The following HLCS variants were observed in gnomAD, a reference collection of about 807,000 sequenced individuals.
The protein encoded by HLCS is holocarboxylase synthetase.
A neutral mutation model predicts 75.0 loss-of-function variants in HLCS; 53 were observed. The ratio of observed to expected loss-of-function variants is 0.71; its 90% CI spans 0.57 to 0.89. The LOEUF is 0.89. Among genes scored for constraint, HLCS ranks in the 40% least tolerant of loss-of-function variants. HLCS has a pLI of 0.00. For synonymous variants in HLCS, 431 were observed against 428.6 expected (o/e 1.01, Z -0.07); for missense variants, 966 against 1,074.0 (o/e 0.90, Z 1.41).
At chr21:36,921,011 A>G in intron 5 of HLCS, among the ~76,000 whole-genome samples, 1 of 152,216 alleles carries the variant, frequency 6.6e-6, no homozygotes, top group Middle Eastern at 3.2e-3. Flanking sequence ...AAAAACAGGA[A>G]GAGGGATCAG....
At chr21:36,824,341 G>A (rs1280198654) in intron 6 of HLCS, among the ~76,000 whole-genome samples, 1 of 152,042 alleles carries the variant, frequency 6.6e-6, no homozygotes, top group Non-Finnish European at 1.5e-5. Flanking sequence ...AACACAGAAA[G>A]AGAAAACCAA....
intron 7 of HLCS, 43 bp downstream of exon 7, chr21:36,767,170 GAGTTT>G (rs758890009): frequency 1.3e-6 from 2 of 1,574,276 alleles, no homozygotes; most frequent in East Asian, 4.5e-5. Flanking sequence ...AAGAGTTGCA[GAGTTT>G]AGAAAACAGA....
intron 5 of HLCS, among the ~76,000 whole-genome samples, chr21:36,918,927 C>T (rs893379340): frequency 6.6e-6 from 1 of 152,214 alleles, no homozygotes; most frequent in Non-Finnish European, 1.5e-5. Flanking sequence ...ACAGATACTA[C>T]AGTCCATCTT....
intron 6 of HLCS, among the ~76,000 whole-genome samples, chr21:36,856,566 GA>G (rs2063200846): frequency 1.3e-5 from 2 of 152,020 alleles, no homozygotes; most frequent in African/African-American, 2.4e-5. Context: ...GTAGTCCTTT[GA>G]AACCCTCCAG....
intron 6 of HLCS, among the ~76,000 whole-genome samples, chr21:36,833,832 T>G (rs1399389418): frequency 6.6e-6 from 1 of 152,128 alleles, no homozygotes; most frequent in Non-Finnish European, 1.5e-5. Flanking sequence ...TTGAAAATAT[T>G]TCCTGCGATC....
chr21:36,983,099 T>C (rs981123872), intron 1 of HLCS, among the ~76,000 whole-genome samples: 18 of 152,064 alleles, frequency 1.2e-4, no homozygotes, highest in African/African-American at 4.3e-4. Flanking sequence ...GTGTCTGCAG[T>C]GATATGAGAA....
intron 6 of HLCS, among the ~76,000 whole-genome samples, chr21:36,779,881 A>T (rs2060474893): frequency 6.6e-6 from 1 of 151,934 alleles, no homozygotes; most frequent in Admixed American, 6.6e-5. Context: ...AGACAAGTAT[A>T]CTCCGAGAAG....
rs376311640 is a variant in HLCS, at chr21:36,869,268, G to A, written c.1892+27592C>T. ...GCCTCCGGAGTAGCTGGGACTACAG[G>A]CGCCCGCCACCACGCCCGGCTAATC... On this transcript the variant is annotated intron_variant, in intron 6 of 10. Transcript: ENST00000674895. 2.0e-4 allele frequency among the ~76,000 whole-genome samples: 30 copies of A among 152,158 alleles called. 1 individual carries two copies. The East Asian group carries it at 5.4e-3, about 27-fold the overall frequency.
chr21:36,878,346 G>C (rs9305608), intron 6 of HLCS, among the ~76,000 whole-genome samples: 152,323 of 152,324 alleles, frequency 1, 76,161 homozygotes, highest in Non-Finnish European at 1. Context: ...TTCTCTGTGG[G>C]TAATCATTGA....
intron 5 of HLCS, among the ~76,000 whole-genome samples, chr21:36,901,539 C>T (rs7279810): frequency 0.012 from 1,800 of 152,288 alleles, 28 homozygotes; most frequent in African/African-American, 0.037. Flanking sequence ...AAAATGAACA[C>T]GTCAACGGGG....
At chr21:36,970,616 G>A (rs1052577040), upstream of HLCS, among the ~76,000 whole-genome samples, 5 of 151,918 alleles carry the variant, frequency 3.3e-5, no homozygotes, top group Admixed American at 6.6e-5. Context: ...CAATCTACCC[G>A]CCTCGGCCTC....
intron 6 of HLCS, among the ~76,000 whole-genome samples, chr21:36,784,607 T>C (rs754836368): frequency 6.6e-6 from 1 of 152,138 alleles, no homozygotes; most frequent in Non-Finnish European, 1.5e-5. Flanking sequence ...TGAGCCACCA[T>C]GCCCGGCCGG....
chr21:36,752,637 TTTGTG>T lies in HLCS; in HGVS notation c.*1604_*1608del, dbSNP rs1439378256. On this transcript the variant is annotated 3_prime_UTR_variant, in exon 11 of 11. Coordinates refer to ENST00000674895, the MANE Select transcript of HLCS (RefSeq NM_001352514.2). ...GGGCATTTGGAGAAGAGTGGTTTTT[TTTGTG>T]TTTTTTGTTTGTTTGTTTTTTGAGA... The T allele has an allele frequency of 6.6e-6, 1 of 152,578 alleles. No homozygotes were observed. Among genetic ancestry groups the T allele is most frequent in the African/African-American group, 2.4e-5 (1 of 41,372 alleles). The allele number at this position is 152,578 out of a possible 1,614,324, so 9.5% of individuals were successfully genotyped here. A position where few individuals can be genotyped will look rare whatever the true frequency, so the allele number is the denominator to read the frequency against.
intron 6 of HLCS, among the ~76,000 whole-genome samples, chr21:36,856,904 G>A (rs973662718): frequency 1.3e-5 from 2 of 152,038 alleles, no homozygotes; most frequent in Admixed American, 6.5e-5. Context: ...TACATACAAG[G>A]TAATTTCTCC....
chr21:36,779,320 C>CT (rs1486275441), intron 6 of HLCS, among the ~76,000 whole-genome samples: 1 of 151,774 alleles, frequency 6.6e-6, no homozygotes, highest in Non-Finnish European at 1.5e-5. Context: ...TCCCTCCTTC[C>CT]TTCTTTCTTT....
At chr21:36,769,311 A>G (rs2090149460) in intron 6 of HLCS, among the ~76,000 whole-genome samples, 1 of 152,148 alleles carries the variant, frequency 6.6e-6, no homozygotes. Flanking sequence ...CGCCAGATTT[A>G]TTTGTGCTAT....
chr21:36,896,209 G>A (rs1222708840), intron 6 of HLCS, among the ~76,000 whole-genome samples: 1 of 152,158 alleles, frequency 6.6e-6, no homozygotes, highest in Non-Finnish European at 1.5e-5. Context: ...ACTTAGCTGG[G>A]CATAGTGGCG....
chr21:36,919,970 C>A (rs1015293989), intron 5 of HLCS, among the ~76,000 whole-genome samples: 27 of 152,138 alleles, frequency 1.8e-4, no homozygotes, highest in Admixed American at 1.7e-3. Context: ...GAGAGTCCTG[C>A]AAAGGATGAG....
intron 6 of HLCS, among the ~76,000 whole-genome samples, chr21:36,877,956 T>C (rs2064048686): frequency 6.6e-6 from 1 of 152,198 alleles, no homozygotes; most frequent in Non-Finnish European, 1.5e-5. Context: ...ATTCAAATCA[T>C]TGTTCCTCAC....
Sources: allele counts gnomAD v4.1 joint callset (sites outside exome capture counted in the v4.1 genomes callset), GRCh38; gene constraint gnomAD v4.1.1; transcripts MANE v1.5; gene names NCBI Gene and HGNC (gene_info 2026-07-23, HGNC 2026-07-21).